Variants in ERI1 observed in about 807,000 individuals in gnomAD.
The protein encoded by ERI1 is 3'-5' exoribonuclease 1.
In ERI1, 39 loss-of-function variants were observed where a neutral mutation model predicts 39.7. That is an observed-to-expected ratio of 0.98 (90% CI 0.76 to 1.28). ERI1 has a LOEUF of 1.28. Among genes scored for constraint, ERI1 ranks in the 50% most tolerant of loss-of-function variants. The pLI is 0.00. For missense variants in ERI1, 581 were observed against 416.9 expected (o/e 1.39, Z -3.43); for synonymous variants, 204 against 149.6 (o/e 1.36, Z -2.65).
At chr8:9,017,854 T>C (rs1415468146) in intron 4 of ERI1, among the ~76,000 whole-genome samples, 3 of 152,140 alleles carry the variant, frequency 2.0e-5, no homozygotes, top group East Asian at 1.9e-4. Flanking sequence ...ATGAGAGTGA[T>C]AGGGCGGACC....
At position 9,030,184 on chromosome 8, in the gene ERI1, G is replaced by A. The variant is rs1313909521; in HGVS notation, c.*150G>A. 4.7e-6 allele frequency: 5 copies of A among 1,056,774 alleles called. No individual in the cohort carries two copies. The highest frequency in any genetic ancestry group is 5.3e-6 in the Non-Finnish European group (4 of 752,142). 65.5% of individuals were successfully genotyped at this position (1,056,774 alleles called of 1,614,324 possible). ...GTGATAGAGATAGATACATGTATGTGAACAGATTTTGTAGGAAGGCATACT... is the reference window on the plus strand; with the variant it reads ...GTGATAGAGATAGATACATGTATGTAAACAGATTTTGTAGGAAGGCATACT... On this transcript the variant is annotated 3_prime_UTR_variant, in exon 7 of 7. Transcript: ENST00000250263.
chr8:9,052,020 C>T (rs1798372313), intron 3 of ERI1, among the ~76,000 whole-genome samples: 1 of 152,196 alleles, frequency 6.6e-6, no homozygotes, highest in African/African-American at 2.4e-5. Context: ...GCCCAGATCT[C>T]ATAGGGTCGT....
chr8:9,031,472 A>G lies in ERI1; in HGVS notation c.*1438A>G, dbSNP rs1021152374. ...GATTATAGTAAAATAAGGAAATCTA[A>G]GTGCTTTAAGTTTATACAGTTAACT... is the stretch of plus-strand genomic sequence containing the variant. On this transcript the variant is annotated 3_prime_UTR_variant, in exon 7 of 7. Coordinates refer to ENST00000250263, the MANE Select transcript of ERI1 (RefSeq NM_153332.4). The G allele has an allele frequency of 2.0e-5, 3 of 152,338 alleles. No homozygotes were observed. Among genetic ancestry groups the G allele is most frequent in the Non-Finnish European group, 2.9e-5 (2 of 68,038 alleles). 9.4% of individuals were successfully genotyped at this position (152,338 alleles called of 1,614,324 possible).
intron 3 of ERI1, among the ~76,000 whole-genome samples, chr8:9,012,627 A>C (rs78915922): frequency 3.9e-5 from 6 of 152,344 alleles, no homozygotes; most frequent in African/African-American, 1.4e-4. Flanking sequence ...TATGAAGGCA[A>C]ATAATCTTGC....
intron 4 of ERI1, 35 bp from the exon 5 acceptor site, chr8:9,018,262 C>G (rs1817511010): frequency 4.5e-6 from 6 of 1,322,430 alleles, no homozygotes; most frequent in Non-Finnish European, 6.5e-6. Context: ...AAGCTGCAGC[C>G]CTGATTTTTG....
At chr8:9,051,528 G>A (rs965705682) in intron 3 of ERI1, among the ~76,000 whole-genome samples, 3 of 151,980 alleles carry the variant, frequency 2.0e-5, no homozygotes, top group African/African-American at 7.3e-5. Context: ...ATGGTAGCAT[G>A]CACCTGTAGT....
At chr8:9,090,767 C>A (rs1021615169) in intron 3 of ERI1, among the ~76,000 whole-genome samples, 1 of 152,030 alleles carries the variant, frequency 6.6e-6, no homozygotes, top group African/African-American at 2.4e-5. Flanking sequence ...AGGAAAGACA[C>A]AAGATCAAAA....
At chr8:9,067,954 A>G (rs1457680947) in intron 3 of ERI1, among the ~76,000 whole-genome samples, 1 of 150,564 alleles carries the variant, frequency 6.6e-6, no homozygotes. Context: ...ATATATGTAT[A>G]TACACACACA....
chr8:9,036,718 C>G (rs567459114), downstream of ERI1, among the ~76,000 whole-genome samples: 8 of 151,640 alleles, frequency 5.3e-5, no homozygotes, highest in African/African-American at 1.9e-4. Context: ...AGTAAAAGAA[C>G]AAAAGAGGAG....
intron 6 of ERI1, among the ~76,000 whole-genome samples, chr8:9,028,824 A>G (rs1351877747): frequency 6.6e-6 from 1 of 151,914 alleles, no homozygotes; most frequent in Non-Finnish European, 1.5e-5. Context: ...GGGTTTCACC[A>G]TGTTGGCCAG....
chr8:9,050,522 A>G lies in ERI1; in HGVS notation n.299+30058A>G, dbSNP rs1192830155. The stretch of plus-strand genomic sequence containing the variant: ...AACTCCATCTCAAAAAAAAAAAAAA[A>G]AATTCTAGGTCTGTTCTTGAAGCTA... On this transcript the variant is annotated intron_variant and non_coding_transcript_variant, in intron 3 of 3. Transcript: ENST00000518663. Among the ~76,000 whole-genome samples the G allele has an allele frequency of 2.0e-5, 3 of 149,146 alleles. No homozygotes were observed. The East Asian group carries it at 5.8e-4, about 29-fold the overall frequency.
In ERI1 at chr8:9,032,841, C is replaced by G. The variant is rs1222181415; in HGVS notation, c.*2807C>G. The G allele has an allele frequency of 6.6e-6, 1 of 152,184 alleles. No individual in the cohort carries two copies. The highest frequency in any genetic ancestry group is 6.5e-5 in the Admixed American group (1 of 15,274). 9.4% of individuals were successfully genotyped at this position (152,184 alleles called of 1,614,324 possible). On this transcript the variant is annotated 3_prime_UTR_variant, in exon 7 of 7. Transcript: ENST00000250263. ...CAGCTGTAGTTGCCAAAGAAACTAC[C>G]TGCCTCACAGATGAGCACGCACGGG... is the stretch of plus-strand genomic sequence containing the variant.
chr8:9,036,220 AAG>A (rs1256519580), downstream of ERI1, among the ~76,000 whole-genome samples: 1 of 152,232 alleles, frequency 6.6e-6, no homozygotes, highest in East Asian at 1.9e-4. Flanking sequence ...CTAATTTTGA[AAG>A]AAGGTCTGTG....
Position 9,074,931 on chromosome 8 carries a change from T to C in ERI1, n.300-41417T>C, listed in dbSNP as rs969009156. ...ATCTTCAGTGTCACAAGAGCAAGCC[T>C]GCCCCCACCAGCGCCACAGTGAGGT... On this transcript the variant is annotated intron_variant and non_coding_transcript_variant, in intron 3 of 3. Coordinates refer to the ERI1 transcript ENST00000518663. Among the ~76,000 whole-genome samples, 3 of 152,166 alleles carry C rather than the reference T, an allele frequency of 2.0e-5. No individual in the cohort carries two copies. The East Asian group carries it at 5.8e-4, about 29-fold the overall frequency.
At chr8:9,061,035 G>C (rs1273266956) in intron 3 of ERI1, among the ~76,000 whole-genome samples, 2 of 152,202 alleles carry the variant, frequency 1.3e-5, no homozygotes, top group South Asian at 2.1e-4. Context: ...TAGTCCTTTT[G>C]CAAGAGCGAG....
At chr8:9,078,483 A>G (rs764628410) in intron 3 of ERI1, among the ~76,000 whole-genome samples, 3 of 152,120 alleles carry the variant, frequency 2.0e-5, no homozygotes, top group Admixed American at 6.5e-5. Flanking sequence ...TTGGAATTCA[A>G]ACTCAAGTTT....
chr8:9,006,165 G>C (rs1236442952), intron 1 of ERI1, among the ~76,000 whole-genome samples: 1 of 152,162 alleles, frequency 6.6e-6, no homozygotes, highest in Non-Finnish European at 1.5e-5. Flanking sequence ...CTGCTCCTTG[G>C]CAGATTGATT....
At chr8:9,037,891 TAAAA>T (rs33912518), downstream of ERI1, among the ~76,000 whole-genome samples, 31 of 145,790 alleles carry the variant, frequency 2.1e-4, no homozygotes, top group Non-Finnish European at 3.7e-4. Context: ...ATTGCTGATT[TAAAA>T]AAAAAAAAAA....
intron 3 of ERI1, among the ~76,000 whole-genome samples, chr8:9,072,980 A>G (rs1368670003): frequency 1.3e-5 from 2 of 152,162 alleles, no homozygotes; most frequent in African/African-American, 2.4e-5. Context: ...CTAGCTGCTC[A>G]CTGTATTTTC....
Sources: gnomAD v4.1 joint callset for allele counts (sites outside exome capture counted in the v4.1 genomes callset) on GRCh38, gnomAD v4.1.1 for gene constraint, MANE v1.5 for transcripts, NCBI Gene and HGNC (gene_info 2026-07-23, HGNC 2026-07-21) for gene names.